AHCTF1: variants seen among roughly 807,000 people sequenced by gnomAD.
The protein encoded by AHCTF1 is AT-hook containing transcription factor 1, also known as protein ELYS.
Under a neutral mutation model 248.4 loss-of-function variants are expected in AHCTF1, and 24 were observed. That is an observed-to-expected ratio of 0.10 (90% CI 0.07 to 0.14). AHCTF1 has a LOEUF of 0.14. Ranked by LOEUF, AHCTF1 falls within the 10% of genes least tolerant of loss-of-function variation. The pLI, the probability that AHCTF1 is intolerant of heterozygous loss-of-function variation, is 1.00. For synonymous variants in AHCTF1, 786 were observed against 929.8 expected, an observed-to-expected ratio of 0.85 and a Z score of 2.81; for missense variants, 2,206 against 2,636.2, an observed-to-expected ratio of 0.84 and a Z score of 3.57.
At chr1:246,854,298 CAAAAAAA>C (rs56086758) in intron 31 of AHCTF1, among the ~76,000 whole-genome samples, 4 of 113,500 alleles carry the variant, frequency 3.5e-5, no homozygotes, top group South Asian at 2.9e-4. Flanking sequence ...GACTCTGTTT[CAAAAAAA>C]AAAAAAAAAA....
chr1:246,847,498 A>G (rs1300112260), intron 33 of AHCTF1, among the ~76,000 whole-genome samples: 1 of 152,004 alleles, frequency 6.6e-6, no homozygotes, highest in Non-Finnish European at 1.5e-5. Flanking sequence ...GTAAGTAGGC[A>G]TGTATTGTTT....
chr1:246,873,955 T>G (rs1302699565), intron 24 of AHCTF1, among the ~76,000 whole-genome samples: 1 of 152,172 alleles, frequency 6.6e-6, no homozygotes, highest in Non-Finnish European at 1.5e-5. Context: ...CAACACAGAC[T>G]TACTACGCTG....
intron 30 of AHCTF1, 27 bp from the exon 31 acceptor site, chr1:246,855,854 G>T: frequency 6.4e-7 from 1 of 1,569,312 alleles, no homozygotes; most frequent in South Asian, 1.1e-5. Flanking sequence ...ACATACCTTA[G>T]TGTGTAAGAA....
chr1:246,856,448 A>G (rs1661115122), intron 30 of AHCTF1, among the ~76,000 whole-genome samples: 1 of 152,210 alleles, frequency 6.6e-6, no homozygotes, highest in African/African-American at 2.4e-5. Flanking sequence ...TTTACCATAA[A>G]AGTAACAGTG....
intron 1 of AHCTF1, among the ~76,000 whole-genome samples, chr1:246,930,606 T>G (rs1344276961): frequency 1.3e-4 from 18 of 136,740 alleles, no homozygotes; most frequent in African/African-American, 4.5e-4. Flanking sequence ...AAAGGGGGGG[T>G]CTCGCCATGT....
chr1:246,865,420 T>A (rs911156081), intron 26 of AHCTF1: 1 of 152,228 alleles, frequency 6.6e-6, no homozygotes. Context: ...TTCCCACTTG[T>A]TACTCTGTAT....
chr1:246,855,868 C>T, intron 30 of AHCTF1, 41 bp from the exon 31 acceptor site: 1 of 1,499,422 alleles, frequency 6.7e-7, no homozygotes, highest in Non-Finnish European at 9.2e-7. Context: ...GTAAGAAGAT[C>T]CCATCTGCTT....
chr1:246,853,543 C>T (rs114316927), intron 31 of AHCTF1, among the ~76,000 whole-genome samples: 7 of 152,046 alleles, frequency 4.6e-5, no homozygotes, highest in African/African-American at 7.3e-5. Flanking sequence ...ATTAATATGA[C>T]GACCAACTGC....
intron 21 of AHCTF1, among the ~76,000 whole-genome samples, chr1:246,883,476 A>G (rs10924863): frequency 0.22 from 32,990 of 152,124 alleles, 3,860 homozygotes; most frequent in East Asian, 0.31. Flanking sequence ...GATAAAAATG[A>G]AGTGTAAAGT....
At chr1:246,873,328 T>C (rs896450944) in intron 24 of AHCTF1, among the ~76,000 whole-genome samples, 2 of 152,232 alleles carry the variant, frequency 1.3e-5, no homozygotes, top group African/African-American at 4.8e-5. Context: ...TTTATTACTG[T>C]GGCTGATGGT....
chr1:246,916,206 C>T lies in AHCTF1; in HGVS notation c.311G>A (p.Ser104Asn), dbSNP rs1666134576. 2 of 1,605,864 alleles carry T rather than the reference C, an allele frequency of 1.2e-6. No homozygotes were observed. Among genetic ancestry groups the T allele is most frequent in the South Asian group, 1.1e-5 (1 of 89,980 alleles). ...TCCAAGGTCATAAAGACAGAGAACA[C>T]TCCCTTCTGTTTCTTCCAATCCTAT... is the stretch of plus-strand genomic sequence containing the variant. ...LLIGLEETEGSVLCLYDLGIS... is the reference protein window; with the variant it reads ...LLIGLEETEGNVLCLYDLGIS... The change falls in exon 3 of 36, where the codon AGT becomes AAT. Residue 104 changes from serine to asparagine, a missense_variant. Ser to Asn is a conservative substitution (Grantham distance 46). Around this residue, in one of 6 missense-constraint regions of AHCTF1, gnomAD observed 34 missense variants for 97.2 expected, o/e 0.35. Transcript: ENST00000648844.
rs1378707276 is a variant in AHCTF1, at chr1:246,916,130, A to G, written c.375+12T>C. 1 of 1,611,890 alleles carries G rather than the reference A, an allele frequency of 6.2e-7. No homozygotes were observed. Among genetic ancestry groups the G allele is most frequent in the Non-Finnish European group, 8.5e-7 (1 of 1,178,712 alleles). On this transcript the variant is annotated intron_variant, in intron 3 of 35. Transcript: ENST00000648844. ...GAAAGAGAAATGTCCAGGTATCTTAAACAGTACCTACCCTTCCAGGAAGAA... is the reference window on the plus strand; with the variant it reads ...GAAAGAGAAATGTCCAGGTATCTTAGACAGTACCTACCCTTCCAGGAAGAA...
intron 1 of AHCTF1, among the ~76,000 whole-genome samples, chr1:246,924,807 CAA>C: frequency 6.6e-6 from 1 of 152,220 alleles, no homozygotes; most frequent in African/African-American, 2.4e-5. Context: ...TCCAAGTCAT[CAA>C]AAGTAGAAGT....
At chr1:246,852,621 G>A (rs536467912) in intron 32 of AHCTF1, among the ~76,000 whole-genome samples, 5 of 152,154 alleles carry the variant, frequency 3.3e-5, no homozygotes, top group Middle Eastern at 3.4e-3. Flanking sequence ...CTGTGTAACT[G>A]TATCCATATA....
intron 7 of AHCTF1, among the ~76,000 whole-genome samples, chr1:246,903,115 T>C (rs934516147): frequency 6.6e-5 from 10 of 152,302 alleles, no homozygotes; most frequent in African/African-American, 2.4e-4. Flanking sequence ...CAACACATAA[T>C]TCAGGGCCTT....
Position 246,913,258 on chromosome 1 carries a change from C to T in AHCTF1, c.530G>A (p.Cys177Tyr). 6.2e-7 allele frequency: 1 copy of T among 1,609,396 alleles called. No individual in the cohort carries two copies. Among genetic ancestry groups the T allele is most frequent in the Non-Finnish European group, 8.5e-7 (1 of 1,177,522 alleles). The change falls in exon 4 of 36, where the codon TGC becomes TAC. Residue 177 changes from cysteine (C) to tyrosine (Y), a missense_variant. Cys to Tyr is a radical substitution (Grantham distance 194). Coordinates refer to ENST00000648844, the MANE Select transcript of AHCTF1 (RefSeq NM_001323342.2). ...TGATGCTTCAACTTCATTTTGATTG[C>T]ATGACAAGTCATCCAAACATAGGTC... is the stretch of plus-strand genomic sequence containing the variant. ...LVDLCLDDLS[C>Y]NQNEVEASDL...
chr1:246,872,264 C>A (rs1294069026), intron 24 of AHCTF1, among the ~76,000 whole-genome samples: 1 of 152,122 alleles, frequency 6.6e-6, no homozygotes, highest in Non-Finnish European at 1.5e-5. Flanking sequence ...ATCGGGCTCC[C>A]TTGTGACTCC....
intron 5 of AHCTF1, 99 bp from the exon 6 acceptor site, chr1:246,905,756 A>G: frequency 1.2e-6 from 1 of 820,052 alleles, no homozygotes; most frequent in South Asian, 1.7e-5. Context: ...CTGTTCCTAC[A>G]CTTCCCCAGA....
Position 246,873,522 on chromosome 1 carries a change from T to A in AHCTF1, c.3088+2515A>T, listed in dbSNP as rs539764191. Among the ~76,000 whole-genome samples, 91 of 152,132 alleles carry A rather than the reference T, an allele frequency of 6.0e-4. 1 individual carries two copies. Among genetic ancestry groups the A allele is most frequent in the Non-Finnish European group, 1.2e-3 (79 of 67,996 alleles). On this transcript the variant is annotated intron_variant, in intron 24 of 35. Coordinates refer to ENST00000648844, the MANE Select transcript of AHCTF1 (RefSeq NM_001323342.2). The stretch of plus-strand genomic sequence containing the variant: ...AATACACTAGTCAATTTCTCCTGCA[T>A]CACAGTGAAGGGAAAGAATCCGTCC...
Sources: allele counts gnomAD v4.1 joint callset (sites outside exome capture counted in the v4.1 genomes callset), GRCh38; gene constraint gnomAD v4.1.1; regional missense constraint gnomAD v4.1.1; transcripts MANE v1.5; gene names NCBI Gene and HGNC (gene_info 2026-07-23, HGNC 2026-07-21).